PPP1R3F: variants seen among roughly 807,000 people sequenced by gnomAD.
The protein encoded by PPP1R3F is protein phosphatase 1, regulatory (inhibitor) subunit 3F.
In PPP1R3F, 29 loss-of-function variants were observed where a neutral mutation model predicts 24.2. The observed-to-expected ratio is 1.20, with a 90% CI of 0.89 to 1.63. The LOEUF (loss-of-function observed/expected upper bound fraction) is 1.63, where lower values mean the gene tolerates loss of function less well. PPP1R3F is among the 40% of genes most tolerant of loss of function. The pLI is 0.00. For missense variants in PPP1R3F, 823 were observed against 729.3 expected (o/e 1.13, Z -1.48); for synonymous variants, 363 against 340.1 (o/e 1.07, Z -0.74).
downstream of PPP1R3F, among the ~76,000 whole-genome samples, chrX:49,289,480 G>A (rs1363615044): frequency 9.0e-6 from 1 of 111,462 alleles, no homozygotes; most frequent in African/African-American, 3.3e-5. Context: ...GAGAATGGAA[G>A]ATCCATAACT....
At chrX:49,281,345 G>A (rs2066247226) in intron 1 of PPP1R3F, 61 bp from the exon 2 acceptor site, 3 of 929,465 alleles carry the variant, frequency 3.2e-6, no homozygotes, top group Admixed American at 2.6e-5. Flanking sequence ...GTGCCAGTGG[G>A]TGGCAGAAGT....
Position 49,286,080 on chromosome X carries a change from G to C in PPP1R3F, c.1390G>C (p.Glu464Gln). Residue 464 changes from glutamate (E) to glutamine (Q), a missense_variant, in exon 4 of 4, where the codon GAG (glutamate) becomes CAG (glutamine). Physicochemically the swap from Glu to Gln is conservative, Grantham distance 29 (BLOSUM62 2). Transcript: ENST00000055335. The part of the protein sequence containing the change: ...QAEATWGVSS[E>Q]NGGGLEAVSG... ...AGAGGCCACATGGGGAGTATCGAGT[G>C]AGAATGGAGGGGGGCTGGAGGCTGT... The C allele has an allele frequency of 3.4e-6, 4 of 1,175,614 alleles. No individual in the cohort carries two copies. The highest frequency in any genetic ancestry group is 4.6e-6 in the Non-Finnish European group (4 of 875,325).
intron 3 of PPP1R3F, among the ~76,000 whole-genome samples, chrX:49,283,246 A>G (rs2066260737): frequency 9.1e-6 from 1 of 109,816 alleles, no homozygotes; most frequent in Non-Finnish European, 1.9e-5. Flanking sequence ...ATCTCAGAAA[A>G]TTAAGAACTC....
At chrX:49,285,212 AT>A (rs36080998) in intron 3 of PPP1R3F, among the ~76,000 whole-genome samples, 79 of 101,382 alleles carry the variant, frequency 7.8e-4, no homozygotes, top group Admixed American at 1.3e-3. Flanking sequence ...TACACTCTTT[AT>A]TTTTTTTTTT....
Position 49,270,288 on chromosome X carries a change from C to A in PPP1R3F, c.419C>A (p.Ala140Glu). 1 of 1,102,024 alleles carries A rather than the reference C, an allele frequency of 9.1e-7. No homozygotes were observed. 90.8% of individuals were successfully genotyped at this position (1,102,024 alleles called of 1,213,427 possible). Residue 140 changes from alanine (A) to glutamate (E), a missense_variant, in exon 1 of 4, where the codon GCG (alanine) becomes GAG (glutamate). Physicochemically the swap from Ala to Glu is moderately radical, Grantham distance 107. Coordinates refer to ENST00000055335, the MANE Select transcript of PPP1R3F (RefSeq NM_033215.5). ...RLGRVMVELE[A>E]LLPPPGAVPG... is the part of the protein sequence containing the mutation. The stretch of plus-strand genomic sequence containing the variant: ...GGGCGCGTCATGGTGGAGCTGGAGG[C>A]GCTGCTGCCGCCTCCCGGAGCGGTC...
chrX:49,298,429 C>G (rs1557123053), intron 3 of PPP1R3F, among the ~76,000 whole-genome samples: 1 of 112,097 alleles, frequency 8.9e-6, no homozygotes, highest in East Asian at 2.8e-4. Context: ...ACCTTTCTCT[C>G]TGGCTGCCCT....
At chrX:49,275,017 C>A (rs1451783042) in intron 1 of PPP1R3F, 2 of 109,677 alleles carry the variant, frequency 1.8e-5, no homozygotes, top group African/African-American at 6.7e-5. Context: ...GCCCTCCTTG[C>A]TTGATCCTCT....
In PPP1R3F at chrX:49,286,608, G is replaced by A. The variant is rs1557121612; in HGVS notation, c.1918G>A (p.Gly640Arg). The change falls in exon 4 of 4, where the codon GGG becomes AGG. Residue 640 changes from glycine to arginine, a missense_variant. Gly to Arg is a moderately radical substitution (Grantham distance 125). Coordinates refer to ENST00000055335, the MANE Select transcript of PPP1R3F (RefSeq NM_033215.5). ...TCTGGGTACAGAGGGTCAGTTCATT[G>A]GGGATCCTGAGAAAGGGATGGGCAA... ...VVLGTEGQFI[G>R]DPEKGMGKDT... 1 of 1,211,288 alleles carries A rather than the reference G, an allele frequency of 8.3e-7. No homozygotes were observed. The highest frequency in any genetic ancestry group is 1.8e-5 in the South Asian group (1 of 56,852).
At position 49,286,165 on chromosome X, in the gene PPP1R3F, A is replaced by G; in HGVS notation, c.1475A>G (p.Tyr492Cys). 1.7e-6 allele frequency: 2 copies of G among 1,170,828 alleles called. No homozygotes were observed. Among genetic ancestry groups the G allele is most frequent in the Non-Finnish European group, 2.3e-6 (2 of 875,199 alleles). ...ATCGACCAGGAGCTGGAGCAGCTCT[A>G]CCTGTCTCACCTGAGCCGCCTACGG... is the stretch of plus-strand genomic sequence containing the variant. ...DTIDQELEQL[Y>C]LSHLSRLRAA... Residue 492 changes from tyrosine (Y) to cysteine (C), a missense_variant, in exon 4 of 4, where the codon TAC becomes TGC. By Grantham distance (194) the Tyr-to-Cys change is radical. Transcript: ENST00000055335.
In PPP1R3F at chrX:49,270,820, C is replaced by A; in HGVS notation, c.951C>A (p.Pro317=). The part of the protein sequence containing the change: ...QLEPQPECQG[P]VEAEARQLKS... ...AGCCACAGCCCGAGTGCCAGGGTCC[C>A]GTGGAGGCTGAGGCCAGGCAGCTGA... Residue 317 remains proline (P), a synonymous_variant, in exon 1 of 4, where the codon CCC becomes CCA. Transcript: ENST00000055335. The A allele has an allele frequency of 8.4e-7, 1 of 1,190,040 alleles. No individual in the cohort carries two copies. Among genetic ancestry groups the A allele is most frequent in the Non-Finnish European group, 1.1e-6 (1 of 884,621 alleles).
intron 1 of PPP1R3F, among the ~76,000 whole-genome samples, chrX:49,277,639 C>T (rs2066222510): frequency 8.9e-6 from 1 of 112,440 alleles, no homozygotes; most frequent in African/African-American, 3.2e-5. Flanking sequence ...TTACTATCCT[C>T]ATGTTGATTG....
At position 49,287,321 on chromosome X, in the gene PPP1R3F, A is replaced by AC; in HGVS notation, c.*237dup. On this transcript the variant is annotated 3_prime_UTR_variant, in exon 4 of 4. Transcript: ENST00000055335. ...GTGGAACTGGGCATGTCCTCCGCCTACCCCCCGAGCCTGTATTTATTTTTG... is the reference window on the plus strand; with the variant it reads ...GTGGAACTGGGCATGTCCTCCGCCTACCCCCCCGAGCCTGTATTTATTTTTG... 2.7e-6 allele frequency: 1 copy of AC among 372,307 alleles called. No homozygotes were observed. The highest frequency in any genetic ancestry group is 5.8e-5 in the South Asian group (1 of 17,123). 30.7% of individuals were successfully genotyped at this position (372,307 alleles called of 1,213,427 possible). A position where few individuals can be genotyped will look rare whatever the true frequency, so the allele number is the denominator to read the frequency against.
rs1239980572 is a variant in PPP1R3F, at chrX:49,270,653, G to A, written c.784G>A (p.Val262Met). ...GAGDGARLDF[V>M]VRYETPEGTF... is the part of the protein sequence containing the mutation. ...GGGCGATGGGGCGCGCCTCGACTTC[G>A]TGGTGCGCTATGAGACCCCTGAGGG... The change falls in exon 1 of 4, where the codon GTG becomes ATG. Residue 262 changes from valine to methionine, a missense_variant. Coordinates refer to ENST00000055335, the MANE Select transcript of PPP1R3F (RefSeq NM_033215.5). The A allele has an allele frequency of 1.7e-6, 2 of 1,209,106 alleles. No individual in the cohort carries two copies. Among genetic ancestry groups the A allele is most frequent in the Admixed American group, 4.4e-5 (2 of 45,962 alleles).
chrX:49,271,071 A>G (rs1354260958), intron 1 of PPP1R3F, among the ~76,000 whole-genome samples, 198 bp downstream of exon 1: 1 of 112,201 alleles, frequency 8.9e-6, no homozygotes, highest in African/African-American at 3.2e-5. Context: ...CCATTTATTG[A>G]GTTCCACTGT....
chrX:49,281,361 C>T (rs897019142), intron 1 of PPP1R3F, 45 bp from the exon 2 acceptor site: 1 of 1,104,103 alleles, frequency 9.1e-7, no homozygotes, highest in Non-Finnish European at 1.2e-6. Flanking sequence ...GAAGTGACCT[C>T]TCAGGGTATT....
At chrX:49,297,964 C>G (rs1444474206) in intron 3 of PPP1R3F, among the ~76,000 whole-genome samples, 4 of 106,880 alleles carry the variant, frequency 3.7e-5, no homozygotes, top group Admixed American at 1.0e-4. Context: ...GGTCTTGACT[C>G]TATCCAATTT....
chrX:49,272,503 GT>G (rs1263108368), intron 1 of PPP1R3F, among the ~76,000 whole-genome samples: 1 of 112,540 alleles, frequency 8.9e-6, no homozygotes, highest in Non-Finnish European at 1.9e-5. Context: ...GCTCAAAGTA[GT>G]ATCATACAGG....
At position 49,285,998 on chromosome X, in the gene PPP1R3F, G is replaced by T. The variant is rs782083393; in HGVS notation, c.1308G>T (p.Gly436=). The change falls in exon 4 of 4, where the codon GGG becomes GGT. Residue 436 remains glycine (G), a synonymous_variant. Coordinates refer to ENST00000055335, the MANE Select transcript of PPP1R3F (RefSeq NM_033215.5). ...GCTCCCCCAGAGACCAGGCCTCAGGGCCCGATGCGAGCGAGGGGGCCACCG... is the reference window on the plus strand; with the variant it reads ...GCTCCCCCAGAGACCAGGCCTCAGGTCCCGATGCGAGCGAGGGGGCCACCG... ...LGGSPRDQAS[G]PDASEGATGP... 1.0e-5 allele frequency: 12 copies of T among 1,188,261 alleles called. No homozygotes were observed. The Admixed American group carries it at 2.7e-4, about 27-fold the overall frequency.
At chrX:49,290,758 T>C (rs2066306113), downstream of PPP1R3F, among the ~76,000 whole-genome samples, 2 of 111,177 alleles carry the variant, frequency 1.8e-5, no homozygotes, top group African/African-American at 6.6e-5. Context: ...CCTCTGTGCC[T>C]CCCTTTGCTC....
Sources: gnomAD v4.1 joint callset for allele counts (sites outside exome capture counted in the v4.1 genomes callset) on GRCh38, gnomAD v4.1.1 for gene constraint, MANE v1.5 for transcripts, NCBI Gene and HGNC (gene_info 2026-07-23, HGNC 2026-07-21) for gene names.